Variants in MAPK9 observed in about 807,000 individuals in gnomAD.
MAPK9 encodes mitogen-activated protein kinase 9, also known as Jun kinase.
A neutral mutation model predicts 57.1 loss-of-function variants in MAPK9; 30 were observed. That is an observed-to-expected ratio of 0.53 (90% CI 0.39 to 0.71). The LOEUF (loss-of-function observed/expected upper bound fraction) is 0.71, where lower values mean the gene tolerates loss of function less well. Ranked by LOEUF, MAPK9 falls within the 30% of genes least tolerant of loss-of-function variation. The pLI is 0.00. For synonymous variants in MAPK9, 155 were observed against 177.0 expected (o/e 0.88, Z 0.99); for missense variants, 362 against 521.0 (o/e 0.69, Z 2.97).
rs118071414 is a variant in MAPK9 at position 180,277,032 on chromosome 5, G to A, written c.122+3408C>T. On this transcript the variant is annotated intron_variant, in intron 2 of 11. Coordinates refer to ENST00000452135, the MANE Select transcript of MAPK9 (RefSeq NM_002752.5). The stretch of plus-strand genomic sequence containing the variant: ...TCCATTTAATCCTGTACAGGTCACA[G>A]GCCCTACCTGCACGTTGGTTTATCT... Among the ~76,000 whole-genome samples, 841 of 152,180 alleles carry A rather than the reference G, an allele frequency of 5.5e-3. 19 individuals are homozygous for A. The highest frequency in any genetic ancestry group is 0.051 in the South Asian group (245 of 4,816).
chr5:180,247,369 G>T lies in MAPK9; in HGVS notation c.688+70C>A. Reference sequence around the variant, plus strand: ...CGACTTTGTCCTCGTGAGCGCTCGTGTAAGCAGGTGGTCATGCTGCCTGAG... The same window carrying T: ...CGACTTTGTCCTCGTGAGCGCTCGTTTAAGCAGGTGGTCATGCTGCCTGAG... On this transcript the variant is annotated intron_variant, in intron 7 of 11. Coordinates refer to ENST00000452135, the MANE Select transcript of MAPK9 (RefSeq NM_002752.5). This position sits in a 1 kb window ranked among gnomAD's most constrained non-coding sequence, Gnocchi z 4.5. 1.3e-6 allele frequency: 2 copies of T among 1,579,918 alleles called. No individual in the cohort carries two copies. Among genetic ancestry groups the T allele is most frequent in the Non-Finnish European group, 1.7e-6 (2 of 1,148,896 alleles).
At position 180,247,167 on chromosome 5, in the gene MAPK9, CA is replaced by C. The variant is rs1261044008; in HGVS notation, c.688+271del. ...GAGTAAATAATTTCTTCTATGTGTC[CA>C]GCTATTTTTGGCAAAATTAAGAGCT... On this transcript the variant is annotated intron_variant, in intron 7 of 11. Transcript: ENST00000452135. This position sits in a 1 kb window ranked among gnomAD's most constrained non-coding sequence, Gnocchi z 4.5. The C allele has an allele frequency of 9.9e-6, 5 of 502,702 alleles. No homozygotes were observed. The highest frequency in any genetic ancestry group is 3.9e-5 in the African/African-American group (2 of 51,234). The allele number at this position is 502,702 out of a possible 1,614,324, so 31.1% of individuals were successfully genotyped here.
intron 7 of MAPK9, among the ~76,000 whole-genome samples, chr5:180,244,443 C>T (rs181510902): frequency 3.9e-4 from 59 of 152,244 alleles, no homozygotes; most frequent in South Asian, 1.2e-3. Context: ...CCCTACCTAT[C>T]GCTTTATTTC....
chr5:180,238,456 T>A, intron 10 of MAPK9, 53 bp from the exon 11 acceptor site: 1 of 1,266,696 alleles, frequency 7.9e-7, no homozygotes, highest in Non-Finnish European at 1.2e-6. Context: ...ACAGTTTCAC[T>A]GTATCTCTAA....
chr5:180,282,373 T>G (rs902139307), intron 1 of MAPK9, among the ~76,000 whole-genome samples: 2 of 152,216 alleles, frequency 1.3e-5, no homozygotes, highest in African/African-American at 4.8e-5. Flanking sequence ...TGAAACAACA[T>G]GTACTTCACT....
intron 2 of MAPK9, among the ~76,000 whole-genome samples, chr5:180,271,941 A>G (rs185324622): frequency 3.3e-5 from 5 of 152,320 alleles, no homozygotes; most frequent in Admixed American, 2.6e-4. Context: ...AGTTTTTACT[A>G]ATAAAAAATG....
intron 3 of MAPK9, among the ~76,000 whole-genome samples, chr5:180,266,580 A>G (rs1760580943): frequency 2.6e-5 from 4 of 151,608 alleles, no homozygotes. Context: ...GGCCTCCCAA[A>G]GTGTTGGGAT....
chr5:180,244,027 T>G (rs1417035058), intron 7 of MAPK9, among the ~76,000 whole-genome samples: 3 of 152,124 alleles, frequency 2.0e-5, no homozygotes, highest in Non-Finnish European at 4.4e-5. Flanking sequence ...TTTGTTATTT[T>G]TAGTAGAGAT....
chr5:180,255,015 C>CA lies in MAPK9; in HGVS notation c.451-5878dup, dbSNP rs558400406. 1.6e-3 allele frequency among the ~76,000 whole-genome samples: 245 copies of CA among 152,226 alleles called. 1 individual carries two copies. Among genetic ancestry groups the CA allele is most frequent in the African/African-American group, 5.7e-3 (238 of 41,538 alleles). On this transcript the variant is annotated intron_variant, in intron 5 of 11. Transcript: ENST00000452135. Reference sequence around the variant, plus strand: ...TGCCACTGCACTCCAGCCTGGGCGACAGAGCGAGACTCCATCTAAAAAAAC... The same window carrying CA: ...TGCCACTGCACTCCAGCCTGGGCGACAAGAGCGAGACTCCATCTAAAAAAAC...
chr5:180,289,550 C>T lies in MAPK9; in HGVS notation c.-48+2298G>A, dbSNP rs562408603. ...CCTTATCTGGGAAGTGATCTGGGTT[C>T]GAACTCCACTCACCAGCTGCTTGCT... On this transcript the variant is annotated intron_variant, in intron 1 of 11. Transcript: ENST00000452135. 2.7e-4 allele frequency among the ~76,000 whole-genome samples: 41 copies of T among 152,264 alleles called. No individual in the cohort carries two copies. The South Asian group carries it at 6.2e-3, about 23-fold the overall frequency.
chr5:180,275,090 A>C (rs1361539703), intron 2 of MAPK9, among the ~76,000 whole-genome samples: 3 of 152,124 alleles, frequency 2.0e-5, no homozygotes, highest in Non-Finnish European at 2.9e-5. Flanking sequence ...AAAAATGTGG[A>C]TCTAATAATG....
chr5:180,263,831 G>A (rs1365058052), intron 4 of MAPK9, among the ~76,000 whole-genome samples: 3 of 150,318 alleles, frequency 2.0e-5, no homozygotes, highest in Non-Finnish European at 4.4e-5. Flanking sequence ...TCAGCCTCCT[G>A]AGTAGCTGGG....
chr5:180,282,830 C>T (rs1179647084), intron 1 of MAPK9, among the ~76,000 whole-genome samples: 4 of 152,170 alleles, frequency 2.6e-5, no homozygotes, highest in South Asian at 2.1e-4. Flanking sequence ...CCTCAGTGAG[C>T]GCACACTCAG....
chr5:180,245,159 C>T (rs1030476491), intron 7 of MAPK9, among the ~76,000 whole-genome samples: 6 of 152,232 alleles, frequency 3.9e-5, no homozygotes, highest in Admixed American at 3.9e-4. Flanking sequence ...GGATGACACC[C>T]ACTTTGATCT....
intron 1 of MAPK9, among the ~76,000 whole-genome samples, chr5:180,289,967 C>T (rs139799836): frequency 6.6e-6 from 1 of 152,256 alleles, no homozygotes; most frequent in African/African-American, 2.4e-5. Flanking sequence ...GGGATCCTTC[C>T]ACCTCAGCCT....
intron 2 of MAPK9, among the ~76,000 whole-genome samples, chr5:180,271,312 T>C (rs531317994): frequency 6.6e-6 from 1 of 152,348 alleles, no homozygotes; most frequent in South Asian, 2.1e-4. Context: ...TTGTGGTTAT[T>C]GCGGTCACTC....
At chr5:180,258,998 C>T (rs1440073617) in intron 5 of MAPK9, among the ~76,000 whole-genome samples, 1 of 150,718 alleles carries the variant, frequency 6.6e-6, no homozygotes, top group African/African-American at 2.4e-5. Context: ...CACACCACTG[C>T]ACTCCAGCCT....
At chr5:180,245,678 G>A (rs1276787662) in intron 7 of MAPK9, among the ~76,000 whole-genome samples, 3 of 152,154 alleles carry the variant, frequency 2.0e-5, no homozygotes, top group Admixed American at 6.5e-5. Flanking sequence ...TTTTACAGAA[G>A]GGGAAACCAA....
At chr5:180,248,024 C>T (rs1330803755) in intron 6 of MAPK9, 84 of 1,121,586 alleles carry the variant, frequency 7.5e-5, no homozygotes, top group Non-Finnish European at 7.9e-5. Context: ...ACTAGCTTGC[C>T]GGCGGGAGCC....
Sources: allele counts gnomAD v4.1 joint callset (sites outside exome capture counted in the v4.1 genomes callset), GRCh38; gene constraint gnomAD v4.1.1; non-coding constraint Gnocchi (gnomAD v3.1); transcripts MANE v1.5; gene names NCBI Gene and HGNC (gene_info 2026-07-23, HGNC 2026-07-21).